Variants in SAP130 observed in about 807,000 individuals in gnomAD.
SAP130 encodes Sin3A associated protein 130, also known as histone deacetylase complex subunit SAP130.
A neutral mutation model predicts 103.2 loss-of-function variants in SAP130; 16 were observed. The observed-to-expected ratio is 0.16, with a 90% CI of 0.10 to 0.24. The LOEUF (loss-of-function observed/expected upper bound fraction) is 0.24. Ranked by LOEUF, SAP130 falls within the 10% of genes least tolerant of loss-of-function variation. The pLI is 1.00. For synonymous variants in SAP130, 477 were observed against 497.0 expected, an observed-to-expected ratio of 0.96 and a Z score of 0.53; for missense variants, 990 against 1,359.7, an observed-to-expected ratio of 0.73 and a Z score of 4.28.
At chr2:128,001,965 TC>T (rs1266455957) in intron 7 of SAP130, among the ~76,000 whole-genome samples, 2 of 151,874 alleles carry the variant, frequency 1.3e-5, no homozygotes, top group East Asian at 3.9e-4. Context: ...TCTCACTCTG[TC>T]ACTAGGCTGG....
intron 5 of SAP130, among the ~76,000 whole-genome samples, chr2:128,014,537 A>G (rs1320851082): frequency 1.3e-5 from 2 of 152,122 alleles, no homozygotes; most frequent in Non-Finnish European, 2.9e-5. Flanking sequence ...GGGTTTCGCC[A>G]TGTTGCCCAG....
chr2:128,000,593 T>C (rs767273087), intron 7 of SAP130, 139 bp from the exon 8 acceptor site: 17 of 928,512 alleles, frequency 1.8e-5, no homozygotes, highest in South Asian at 3.5e-5. Flanking sequence ...ATCACACCAA[T>C]GTGGCAAAAG....
chr2:127,950,963 A>C (rs1559032707), intron 16 of SAP130, among the ~76,000 whole-genome samples: 1 of 152,252 alleles, frequency 6.6e-6, no homozygotes, highest in Non-Finnish European at 1.5e-5. Context: ...GCTCCAAAGG[A>C]GATAACAGGA....
chr2:128,027,051 T>C, intron 1 of SAP130: 2 of 1,391,226 alleles, frequency 1.4e-6, no homozygotes, highest in South Asian at 1.8e-5. Context: ...GGACGGGCGA[T>C]CTGGGGACCC....
At chr2:127,985,371 C>T (rs1307679153) in intron 14 of SAP130, among the ~76,000 whole-genome samples, 2 of 152,124 alleles carry the variant, frequency 1.3e-5, no homozygotes, top group African/African-American at 4.8e-5. Context: ...CTGCATGGAC[C>T]CTAGTCCCAG....
chr2:128,019,628 G>A (rs966726046), intron 2 of SAP130, among the ~76,000 whole-genome samples: 8 of 151,256 alleles, frequency 5.3e-5, no homozygotes, highest in South Asian at 2.2e-4. Flanking sequence ...GTTCACGCCT[G>A]TAATCCCAGC....
intron 15 of SAP130, among the ~76,000 whole-genome samples, chr2:127,963,091 T>C (rs1197630332): frequency 2.0e-5 from 3 of 152,228 alleles, no homozygotes; most frequent in Admixed American, 6.5e-5. Flanking sequence ...GTTATTTATA[T>C]ACTATGAAGA....
chr2:127,952,253 C>T (rs1446038722), intron 16 of SAP130, among the ~76,000 whole-genome samples: 4 of 151,972 alleles, frequency 2.6e-5, no homozygotes, highest in Non-Finnish European at 5.9e-5. Context: ...GAGTTCGAGA[C>T]CAGCCTGGCC....
chr2:127,978,523 CA>C (rs1681635961), intron 14 of SAP130, among the ~76,000 whole-genome samples: 1 of 152,198 alleles, frequency 6.6e-6, no homozygotes, highest in South Asian at 2.1e-4. Flanking sequence ...AGTTGGAGAT[CA>C]ATTGTGCTGT....
Position 127,989,850 on chromosome 2 carries a change from T to C in SAP130, c.1494A>G (p.Pro498=). The change falls in exon 13 of 21, where the codon CCA becomes CCG. Residue 498 remains proline (P), a synonymous_variant. Coordinates refer to ENST00000643581, the MANE Select transcript of SAP130 (RefSeq NM_001330301.2). This position sits in a 1 kb window ranked among gnomAD's most constrained non-coding sequence, Gnocchi z 4.6. Reference sequence around the variant, plus strand: ...CAGTCTGAGCTGTGATGGCAGAGTTTGGAGCCTGAGCTGAAACTAAAAATG... The same window carrying C: ...CAGTCTGAGCTGTGATGGCAGAGTTCGGAGCCTGAGCTGAAACTAAAAATG... ...IRQYPVSAQA[P]NSAITAQTGV... 1 of 1,613,456 alleles carries C rather than the reference T, an allele frequency of 6.2e-7. No individual in the cohort carries two copies.
intron 1 of SAP130, among the ~76,000 whole-genome samples, chr2:128,027,561 CGCAGG>C (rs1227320222): frequency 6.6e-6 from 1 of 151,826 alleles, no homozygotes; most frequent in Non-Finnish European, 1.5e-5. Context: ...AAGCGGCGGG[CGCAGG>C]GCCCGGATGT....
intron 15 of SAP130, among the ~76,000 whole-genome samples, chr2:127,968,384 T>C (rs556778235): frequency 8.6e-5 from 13 of 151,492 alleles, no homozygotes; most frequent in Non-Finnish European, 1.3e-4. Flanking sequence ...GTGTTGAGAT[T>C]ACAGACGTGA....
At chr2:128,009,600 T>C (rs186550813) in intron 7 of SAP130, among the ~76,000 whole-genome samples, 18 of 152,322 alleles carry the variant, frequency 1.2e-4, no homozygotes, top group African/African-American at 2.9e-4. Context: ...GCCTATTCTA[T>C]CCAGCAACCA....
chr2:128,028,007 G>C lies in SAP130; in HGVS notation c.-74C>G, dbSNP rs1230883003. The C allele has an allele frequency of 1.0e-6, 1 of 985,210 alleles. No homozygotes were observed. The highest frequency in any genetic ancestry group is 1.2e-6 in the Non-Finnish European group (1 of 829,694). The allele number at this position is 985,210 out of a possible 1,614,324, so 61.0% of individuals were successfully genotyped here. ...CTCCCGCGCGCTCTCCGTCTGTGGG[G>C]CCGACGTCCCCAGGCTCCGGACCCG... is the stretch of plus-strand genomic sequence containing the variant. On this transcript the variant is annotated 5_prime_UTR_variant, in exon 1 of 21. Coordinates refer to ENST00000643581, the MANE Select transcript of SAP130 (RefSeq NM_001330301.2).
At position 127,989,431 on chromosome 2, in the gene SAP130, C is replaced by T. The variant is rs565685849; in HGVS notation, c.1780+133G>A. 4 of 791,354 alleles carry T rather than the reference C, an allele frequency of 5.1e-6. No individual in the cohort carries two copies. Among genetic ancestry groups the T allele is most frequent in the African/African-American group, 3.5e-5 (2 of 57,370 alleles). 49.0% of individuals were successfully genotyped at this position (791,354 alleles called of 1,614,324 possible). Reference sequence around the variant, plus strand: ...CCCTGAAACTCTAAGTTCTAAGCAACTCATATTATTAATACAAAGAAGAAA... The same window carrying T: ...CCCTGAAACTCTAAGTTCTAAGCAATTCATATTATTAATACAAAGAAGAAA... On this transcript the variant is annotated intron_variant, in intron 13 of 20. Transcript: ENST00000643581. This position sits in a 1 kb window ranked among gnomAD's most constrained non-coding sequence, Gnocchi z 4.6.
intron 6 of SAP130, among the ~76,000 whole-genome samples, chr2:128,011,956 G>A (rs2105175076): frequency 6.6e-6 from 1 of 152,214 alleles, no homozygotes; most frequent in Non-Finnish European, 1.5e-5. Flanking sequence ...GGGATTACAG[G>A]CACGCACCAC....
Position 127,955,192 on chromosome 2 carries a change from G to A in SAP130, c.2216C>T (p.Ala739Val), listed in dbSNP as rs1364585162. The A allele has an allele frequency of 1.9e-6, 3 of 1,614,032 alleles. No individual in the cohort carries two copies. The highest frequency in any genetic ancestry group is 2.7e-5 in the African/African-American group (2 of 74,924). The change falls in exon 16 of 21, where the codon GCA becomes GTA. Residue 739 changes from alanine to valine, a missense_variant. Around this residue, in one of 6 missense-constraint regions of SAP130, gnomAD observed 349 missense variants for 384.1 expected, o/e 0.91. Coordinates refer to ENST00000643581, the MANE Select transcript of SAP130 (RefSeq NM_001330301.2). The surrounding 1 kb of genome is among the most constrained non-coding windows in gnomAD (Gnocchi z 4.9). ...GGCTGGTTGTGACGGGGGACTGGCT[G>A]CTGCAATCATAGTTGGAATGGTCGG... ...PPPTIPTMIA[A>V]ASPPSQPAVA...
At chr2:127,947,447 G>A (rs1174382140) in intron 18 of SAP130, among the ~76,000 whole-genome samples, 1 of 152,106 alleles carries the variant, frequency 6.6e-6, no homozygotes, top group Non-Finnish European at 1.5e-5. Flanking sequence ...TTTTATTAAT[G>A]CATTTTTACA....
intron 7 of SAP130, 98 bp downstream of exon 7, chr2:128,010,171 C>G: frequency 7.6e-7 from 1 of 1,308,570 alleles, no homozygotes; most frequent in South Asian, 1.6e-5. Flanking sequence ...AAAAAAAAAG[C>G]CACTCAATAA....
Sources: gnomAD v4.1 joint callset for allele counts (sites outside exome capture counted in the v4.1 genomes callset) on GRCh38, gnomAD v4.1.1 for gene constraint, gnomAD v4.1.1 regional missense constraint, Gnocchi (gnomAD v3.1) non-coding constraint, MANE v1.5 for transcripts, NCBI Gene and HGNC (gene_info 2026-07-23, HGNC 2026-07-21) for gene names.